ENTREP2: variants seen among roughly 807,000 people sequenced by gnomAD.
ENTREP2 encodes protein ENTREP2.
the ENTREP2 span, among the ~76,000 whole-genome samples, chr15:29,295,667 C>G: frequency 3.9e-5 from 6 of 152,108 alleles, no homozygotes; most frequent in Non-Finnish European, 7.4e-5. Context: ...GTTTTGCCAC[C>G]ATTAAGTAAT....
chr15:29,274,247 C>G, the ENTREP2 span, among the ~76,000 whole-genome samples: 2 of 152,182 alleles, frequency 1.3e-5, no homozygotes, highest in South Asian at 4.1e-4. Context: ...CATTTAATCC[C>G]CACAACAAAC....
chr15:29,162,335 A>C, the ENTREP2 span, among the ~76,000 whole-genome samples: 1 of 152,174 alleles, frequency 6.6e-6, no homozygotes, highest in Non-Finnish European at 1.5e-5. Context: ...GGAGGGCGCA[A>C]ATCTGGTGTG....
the ENTREP2 span, among the ~76,000 whole-genome samples, chr15:29,148,159 A>G: frequency 6.6e-6 from 1 of 152,350 alleles, no homozygotes; most frequent in South Asian, 2.1e-4. Context: ...AAATAGGGTG[A>G]CTGCTAAAGG....
the ENTREP2 span, among the ~76,000 whole-genome samples, chr15:29,351,640 T>G: frequency 6.6e-6 from 1 of 152,104 alleles, no homozygotes; most frequent in Non-Finnish European, 1.5e-5. Flanking sequence ...CATATGAAAT[T>G]TATTTATTTT....
At chr15:29,381,791 C>T in the ENTREP2 span, 1 of 1,551,548 alleles carries the variant, frequency 6.4e-7, no homozygotes, top group Middle Eastern at 1.7e-4. Context: ...GGAGAGAGGC[C>T]TCTTCCAGGA....
chr15:29,489,150 G>GAAAA, the ENTREP2 span, among the ~76,000 whole-genome samples: 62,619 of 151,480 alleles, frequency 0.41, 13,107 homozygotes, highest in African/African-American at 0.49. Flanking sequence ...TAAAACATGG[G>GAAAA]AAAAACTGGC....
At chr15:29,317,307 T>C in the ENTREP2 span, among the ~76,000 whole-genome samples, 1 of 152,220 alleles carries the variant, frequency 6.6e-6, no homozygotes, top group Non-Finnish European at 1.5e-5. Flanking sequence ...CCTAAAACTT[T>C]GCTGACATAT....
the ENTREP2 span, among the ~76,000 whole-genome samples, chr15:29,270,352 C>T: frequency 6.6e-6 from 1 of 152,216 alleles, no homozygotes; most frequent in East Asian, 1.9e-4. Context: ...AGCAGGACTT[C>T]AGTTTCACTA....
chr15:29,281,073 A>G, the ENTREP2 span, among the ~76,000 whole-genome samples: 1 of 152,074 alleles, frequency 6.6e-6, no homozygotes, highest in Admixed American at 6.6e-5. Flanking sequence ...TTCCACATTT[A>G]CCTCTAAGCA....
chr15:29,616,268 C>T, the ENTREP2 span, among the ~76,000 whole-genome samples: 4 of 152,110 alleles, frequency 2.6e-5, no homozygotes, highest in African/African-American at 7.2e-5. Flanking sequence ...ACCAAGGGGA[C>T]GATGACCCCT....
At chr15:29,560,627 G>T in the ENTREP2 span, among the ~76,000 whole-genome samples, 1 of 152,094 alleles carries the variant, frequency 6.6e-6, no homozygotes, top group East Asian at 2.0e-4. Context: ...TGTTTTGGGC[G>T]GCCCTGAGGA....
At chr15:29,535,655 C>T in the ENTREP2 span, among the ~76,000 whole-genome samples, 45 of 152,272 alleles carry the variant, frequency 3.0e-4, no homozygotes, top group Admixed American at 3.9e-4. Context: ...TGTCACTGCA[C>T]TCTAGCCTGG....
the ENTREP2 span, among the ~76,000 whole-genome samples, chr15:29,169,788 C>A: frequency 6.6e-6 from 1 of 152,082 alleles, no homozygotes; most frequent in Admixed American, 6.6e-5. Flanking sequence ...ACTCAAGAAA[C>A]CCTACAGCAA....
At chr15:29,339,335 GA>G in the ENTREP2 span, among the ~76,000 whole-genome samples, 1 of 152,216 alleles carries the variant, frequency 6.6e-6, no homozygotes, top group African/African-American at 2.4e-5. Context: ...AGGGAAAATT[GA>G]AAAGACATTC....
chr15:29,554,485 G>A, the ENTREP2 span, among the ~76,000 whole-genome samples: 1 of 152,066 alleles, frequency 6.6e-6, no homozygotes, highest in South Asian at 2.1e-4. Flanking sequence ...ACAACATAAT[G>A]AATCAAAATC....
At chr15:29,618,347 C>T in the ENTREP2 span, among the ~76,000 whole-genome samples, 6 of 150,816 alleles carry the variant, frequency 4.0e-5, no homozygotes, top group South Asian at 6.3e-4. Context: ...CGATTGAACC[C>T]GGGAGGCGGA....
At chr15:29,129,889 G>T in the ENTREP2 span, among the ~76,000 whole-genome samples, 224 of 152,260 alleles carry the variant, frequency 1.5e-3, no homozygotes, top group African/African-American at 5.2e-3. Flanking sequence ...ACAATTTTTT[G>T]AATCCCTGTG....
the ENTREP2 span, among the ~76,000 whole-genome samples, chr15:29,223,577 A>T: frequency 1.8e-4 from 28 of 152,270 alleles, no homozygotes; most frequent in African/African-American, 6.5e-4. Flanking sequence ...ACCCCCTAAA[A>T]ATGAGCTATA....
chr15:29,202,956 G>A, the ENTREP2 span, among the ~76,000 whole-genome samples: 1 of 152,182 alleles, frequency 6.6e-6, no homozygotes, highest in South Asian at 2.1e-4. Flanking sequence ...ACATGTGCAT[G>A]TGTCTTTGTG....
Sources: gnomAD v4.1 joint callset for allele counts (sites outside exome capture counted in the v4.1 genomes callset) on GRCh38, gnomAD v4.1.1 for gene constraint, MANE v1.5 for transcripts, NCBI Gene and HGNC (gene_info 2026-07-23, HGNC 2026-07-21) for gene names.